The following ITCH variants were observed in gnomAD, a reference collection of about 807,000 sequenced individuals.
The protein encoded by ITCH is E3 ubiquitin-protein ligase Itchy homolog.
A neutral mutation model predicts 126.8 loss-of-function variants in ITCH; 28 were observed. That is an observed-to-expected ratio of 0.22 (90% CI 0.16 to 0.30). ITCH has a LOEUF of 0.30. Among genes scored for constraint, ITCH ranks in the 10% least tolerant of loss-of-function variants. The pLI, the probability that ITCH is intolerant of heterozygous loss-of-function variation, is 1.00. For missense variants in ITCH, 631 were observed against 1,032.4 expected, an observed-to-expected ratio of 0.61 and a Z score of 5.33; for synonymous variants, 342 against 340.0, an observed-to-expected ratio of 1.01 and a Z score of -0.06.
chr20:34,505,823 G>A (rs1990588064), intron 24 of ITCH, among the ~76,000 whole-genome samples: 1 of 152,118 alleles, frequency 6.6e-6, no homozygotes, highest in Admixed American at 6.5e-5. Flanking sequence ...CAAAGTCCTG[G>A]GATTACAGGC....
rs141137060 is a variant in ITCH at position 34,396,797 on chromosome 20, A to G, written c.70+2916A>G. ...GTTCACGTCCTTTGTTTGCTATTGTAAATTAATACCTCTGTCGCTATTGTT... is the reference window on the plus strand; with the variant it reads ...GTTCACGTCCTTTGTTTGCTATTGTGAATTAATACCTCTGTCGCTATTGTT... On this transcript the variant is annotated intron_variant, in intron 3 of 24. Coordinates refer to ENST00000374864, the MANE Select transcript of ITCH (RefSeq NM_031483.7). 7.8e-3 allele frequency among the ~76,000 whole-genome samples: 1,194 copies of G among 152,160 alleles called. 15 individuals are homozygous for G. Among genetic ancestry groups the G allele is most frequent in the African/African-American group, 0.027 (1,136 of 41,508 alleles).
chr20:34,449,029 T>C (rs1365288398), intron 11 of ITCH, among the ~76,000 whole-genome samples: 1 of 152,194 alleles, frequency 6.6e-6, no homozygotes, highest in Non-Finnish European at 1.5e-5. Flanking sequence ...GTTACACATA[T>C]AATATTTTTC....
At chr20:34,405,453 T>C (rs1212501340) in intron 3 of ITCH, among the ~76,000 whole-genome samples, 1 of 151,578 alleles carries the variant, frequency 6.6e-6, no homozygotes, top group South Asian at 2.1e-4. Flanking sequence ...TGCAATGAGC[T>C]AAGATTGTGC....
Position 34,384,621 on chromosome 20 carries a change from G to T in ITCH, c.-21-9170G>T, listed in dbSNP as rs79775201. Reference sequence around the variant, plus strand: ...AATGTTTAGAAATGATCTGAGGAAAGTTTGCTGGAAGGATGAGGCATGGTG... The same window carrying T: ...AATGTTTAGAAATGATCTGAGGAAATTTTGCTGGAAGGATGAGGCATGGTG... On this transcript the variant is annotated intron_variant, in intron 2 of 24. Coordinates refer to ENST00000374864, the MANE Select transcript of ITCH (RefSeq NM_031483.7). 3.7e-4 allele frequency among the ~76,000 whole-genome samples: 54 copies of T among 146,044 alleles called. No individual in the cohort carries two copies. In the East Asian group the frequency reaches 0.011, roughly 30 times the overall value.
chr20:34,496,281 A>G (rs1255831129), intron 23 of ITCH, among the ~76,000 whole-genome samples: 1 of 152,126 alleles, frequency 6.6e-6, no homozygotes, highest in Admixed American at 6.6e-5. Context: ...TATTTAGCTC[A>G]TATCCCATTT....
chr20:34,394,998 G>A (rs528964170), intron 3 of ITCH, among the ~76,000 whole-genome samples: 5 of 152,040 alleles, frequency 3.3e-5, no homozygotes, highest in African/African-American at 9.7e-5. Context: ...TTGGGAGGTC[G>A]AGGTGGGCAG....
rs1475728228 is a variant in ITCH at position 34,422,662 on chromosome 20, A to T, written c.476-1818A>T. On this transcript the variant is annotated intron_variant, in intron 6 of 24. Transcript: ENST00000374864. ...TCAAGTGTACAGCTTAATGAATTTT[A>T]GTAACTTAAGTGAGGGATTCAACTA... Among the ~76,000 whole-genome samples the T allele has an allele frequency of 2.6e-5, 4 of 152,264 alleles. No homozygotes were observed. In the East Asian group the frequency reaches 7.7e-4, roughly 29 times the overall value.
chr20:34,405,172 G>A (rs1297099189), intron 3 of ITCH, among the ~76,000 whole-genome samples: 1 of 144,894 alleles, frequency 6.9e-6, no homozygotes, highest in Admixed American at 7.0e-5. Flanking sequence ...AAAGGTTTCA[G>A]TGGGGTTTGG....
chr20:34,372,258 T>TGG (rs1334657960), intron 2 of ITCH, among the ~76,000 whole-genome samples: 91 of 136,904 alleles, frequency 6.6e-4, no homozygotes, highest in Non-Finnish European at 1.3e-3. Flanking sequence ...TGAGCCGAGT[T>TGG]CACGCCACTG....
At chr20:34,503,833 G>C (rs1480883542) in intron 23 of ITCH, among the ~76,000 whole-genome samples, 3 of 133,302 alleles carry the variant, frequency 2.3e-5, no homozygotes, top group Non-Finnish European at 4.9e-5. Context: ...TTGTTTGTTG[G>C]TTGCTTTTGG....
At chr20:34,455,695 C>G (rs1985831554) in intron 12 of ITCH, among the ~76,000 whole-genome samples, 1 of 149,854 alleles carries the variant, frequency 6.7e-6, no homozygotes, top group Non-Finnish European at 1.5e-5. Flanking sequence ...CCAGGTTGGT[C>G]TTGAACTCCT....
chr20:34,487,188 A>G (rs1342621144), intron 20 of ITCH, among the ~76,000 whole-genome samples: 2 of 150,570 alleles, frequency 1.3e-5, no homozygotes, highest in Non-Finnish European at 3.0e-5. Context: ...ATTTTTTTGT[A>G]TTTTTAGTAG....
At chr20:34,437,775 C>A (rs1040302575) in intron 7 of ITCH, among the ~76,000 whole-genome samples, 1 of 152,140 alleles carries the variant, frequency 6.6e-6, no homozygotes, top group African/African-American at 2.4e-5. Context: ...TGACTAGAGC[C>A]CCTCTGGAAG....
At chr20:34,464,306 T>C (rs574754848) in intron 14 of ITCH, among the ~76,000 whole-genome samples, 17 of 151,000 alleles carry the variant, frequency 1.1e-4, no homozygotes, top group Admixed American at 8.6e-4. Flanking sequence ...CTTTTTTTTT[T>C]TTTCTTTCTT....
intron 23 of ITCH, among the ~76,000 whole-genome samples, chr20:34,499,508 T>G (rs1990114679): frequency 6.6e-6 from 1 of 151,712 alleles, no homozygotes; most frequent in Admixed American, 6.6e-5. Context: ...TTTCTAAAGG[T>G]CCTTTGTATT....
intron 1 of ITCH, among the ~76,000 whole-genome samples, chr20:34,368,706 C>T (rs749351726): frequency 1.3e-5 from 2 of 152,196 alleles, no homozygotes; most frequent in African/African-American, 2.4e-5. Flanking sequence ...TGAAAAACTG[C>T]TGCCAGCTCA....
At chr20:34,391,608 A>T (rs1228704539) in intron 2 of ITCH, among the ~76,000 whole-genome samples, 1 of 152,210 alleles carries the variant, frequency 6.6e-6, no homozygotes, top group Non-Finnish European at 1.5e-5. Context: ...TTGATATTAT[A>T]CAAATAGTGA....
chr20:34,464,142 T>C (rs76572806), intron 14 of ITCH, among the ~76,000 whole-genome samples: 1 of 133,782 alleles, frequency 7.5e-6, no homozygotes, highest in African/African-American at 2.7e-5. Flanking sequence ...GCCCAGCTAA[T>C]TTTTTTTTTT....
chr20:34,465,102 TC>T (rs1986926759), intron 14 of ITCH, among the ~76,000 whole-genome samples: 1 of 152,224 alleles, frequency 6.6e-6, no homozygotes, highest in Admixed American at 6.5e-5. Context: ...TCCAACTTCA[TC>T]TTTTTGAATG....
Sources: gnomAD v4.1 joint callset for allele counts (sites outside exome capture counted in the v4.1 genomes callset) on GRCh38, gnomAD v4.1.1 for gene constraint, MANE v1.5 for transcripts, NCBI Gene and HGNC (gene_info 2026-07-23, HGNC 2026-07-21) for gene names.